VWA5B2: variants seen among roughly 807,000 people sequenced by gnomAD.
The protein encoded by VWA5B2 is von Willebrand factor A domain containing 5B2.
VWA5B2 carries 93 observed loss-of-function variants against 118.5 expected under a neutral mutation model. The observed-to-expected ratio is 0.79, with a 90% CI of 0.66 to 0.93. The LOEUF is 0.93. Ranked by LOEUF, VWA5B2 falls within the 40% of genes least tolerant of loss-of-function variation. VWA5B2 has a pLI of 0.00. For synonymous variants in VWA5B2, 708 were observed against 716.3 expected, an observed-to-expected ratio of 0.99 and a Z score of 0.19; for missense variants, 1,546 against 1,672.8, an observed-to-expected ratio of 0.92 and a Z score of 1.32.
Position 184,229,726 on chromosome 3 carries a change from C to A in VWA5B2, c.-150+13C>A, listed in dbSNP as rs2108412681. Among the ~76,000 whole-genome samples the A allele has an allele frequency of 6.6e-6, 1 of 152,280 alleles. No homozygotes were observed. Among genetic ancestry groups the A allele is most frequent in the East Asian group, 1.9e-4 (1 of 5,154 alleles). On this transcript the variant is annotated intron_variant, in intron 1 of 19. Coordinates refer to ENST00000691901, the MANE Select transcript of VWA5B2 (RefSeq NM_001390846.1). Reference sequence around the variant, plus strand: ...GGAGGGCGCGACGGTGAGGCTGAGACTGCCACAGGGAGCGGGGCGATCCCC... The same window carrying A: ...GGAGGGCGCGACGGTGAGGCTGAGAATGCCACAGGGAGCGGGGCGATCCCC...
rs1718634128 is a variant in VWA5B2 at position 184,241,447 on chromosome 3, C to G, written c.3180+43C>G. Reference sequence around the variant, plus strand: ...GGAGGGTGGTGCCGCCGGGGCCGGGCGCTGTTTCAGCTCGCTTCTCCCCCC... The same window carrying G: ...GGAGGGTGGTGCCGCCGGGGCCGGGGGCTGTTTCAGCTCGCTTCTCCCCCC... On this transcript the variant is annotated intron_variant, in intron 19 of 19. Coordinates refer to ENST00000691901, the MANE Select transcript of VWA5B2 (RefSeq NM_001390846.1). The surrounding 1 kb of genome is among the most constrained non-coding windows in gnomAD (Gnocchi z 5.1). 3.8e-6 allele frequency: 6 copies of G among 1,563,790 alleles called. No individual in the cohort carries two copies. Among genetic ancestry groups the G allele is most frequent in the Non-Finnish European group, 5.2e-6 (6 of 1,152,840 alleles).
chr3:184,235,089 C>A, intron 7 of VWA5B2, 64 bp from the exon 8 acceptor site: 1 of 1,516,290 alleles, frequency 6.6e-7, no homozygotes. Flanking sequence ...GCCAGTCCCA[C>A]TGCCCACCCT....
At position 184,237,537 on chromosome 3, in the gene VWA5B2, T is replaced by A; in HGVS notation, c.1719+126T>A. The A allele has an allele frequency of 9.6e-7, 1 of 1,044,906 alleles. No individual in the cohort carries two copies. The highest frequency in any genetic ancestry group is 1.4e-6 in the Non-Finnish European group (1 of 731,768). The allele number at this position is 1,044,906 out of a possible 1,614,324, so 64.7% of individuals were successfully genotyped here. A position where few individuals can be genotyped will look rare whatever the true frequency, so the allele number is the denominator to read the frequency against. The stretch of plus-strand genomic sequence containing the variant: ...TGTGCCTCTCTCTACCAAGCTTCTC[T>A]ACTATCCCCTAGGACTCCACAGAGA... On this transcript the variant is annotated intron_variant, in intron 12 of 19. Transcript: ENST00000691901. The surrounding 1 kb of genome is among the most constrained non-coding windows in gnomAD (Gnocchi z 5.6).
chr3:184,237,369 C>T lies in VWA5B2; in HGVS notation c.1677C>T (p.Cys559=), dbSNP rs1158523677. 6.4e-7 allele frequency: 1 copy of T among 1,551,204 alleles called. No homozygotes were observed. The highest frequency in any genetic ancestry group is 8.7e-7 in the Non-Finnish European group (1 of 1,146,910). ...LYPGDQLLGY[C]SLFRVDGFRS... is the part of the protein sequence containing the mutation. ...CTGGGGACCAGCTGCTCGGTTACTGCTCACTCTTCAGGGTGGATGGCTTCC... is the reference window on the plus strand; with the variant it reads ...CTGGGGACCAGCTGCTCGGTTACTGTTCACTCTTCAGGGTGGATGGCTTCC... The change falls in exon 12 of 20, where the codon TGC becomes TGT. Residue 559 remains cysteine (C), a synonymous_variant. Coordinates refer to ENST00000691901, the MANE Select transcript of VWA5B2 (RefSeq NM_001390846.1). The surrounding 1 kb of genome is among the most constrained non-coding windows in gnomAD (Gnocchi z 5.6).
Position 184,242,148 on chromosome 3 carries a change from C to T in VWA5B2, c.*110C>T. 2 of 1,351,456 alleles carry T rather than the reference C, an allele frequency of 1.5e-6. No homozygotes were observed. The highest frequency in any genetic ancestry group is 2.0e-6 in the Non-Finnish European group (2 of 997,670). 83.7% of individuals were successfully genotyped at this position (1,351,456 alleles called of 1,614,324 possible). ...AAGTGTAGGCTGGTGCCAGCCTGTC[C>T]CCCACTGCTTCTTACTCCCTCCCTA... On this transcript the variant is annotated 3_prime_UTR_variant, in exon 20 of 20. Transcript: ENST00000691901.
At position 184,229,585 on chromosome 3, in the gene VWA5B2, A is replaced by T. The variant is rs1460321960; in HGVS notation, c.-278A>T. On this transcript the variant is annotated 5_prime_UTR_variant, in exon 1 of 20. Transcript: ENST00000691901. Reference sequence around the variant, plus strand: ...AGGGCCCGCGCCCCTGCCGGGACTCAGAGCCGCTGCAGCCACAGTCACGAA... The same window carrying T: ...AGGGCCCGCGCCCCTGCCGGGACTCTGAGCCGCTGCAGCCACAGTCACGAA... Among the ~76,000 whole-genome samples, 1 of 152,176 alleles carries T rather than the reference A, an allele frequency of 6.6e-6. No individual in the cohort carries two copies. Among genetic ancestry groups the T allele is most frequent in the Non-Finnish European group, 1.5e-5 (1 of 68,012 alleles).
chr3:184,232,879 G>C, intron 3 of VWA5B2: 1 of 471,226 alleles, frequency 2.1e-6, no homozygotes, highest in Non-Finnish European at 3.7e-6. Context: ...GAGGGGCAGA[G>C]GGTGTGGGTA....
chr3:184,230,963 G>C, intron 3 of VWA5B2, 46 bp downstream of exon 3: 1 of 1,207,388 alleles, frequency 8.3e-7, no homozygotes, highest in Middle Eastern at 3.3e-4. Context: ...GCCGGGCGCA[G>C]CTCAGGCTCC....
In VWA5B2 at chr3:184,241,390, G is replaced by T; in HGVS notation, c.3166G>T (p.Asp1056Tyr). 1 of 1,579,862 alleles carries T rather than the reference G, an allele frequency of 6.3e-7. No homozygotes were observed. The highest frequency in any genetic ancestry group is 2.3e-5 in the East Asian group (1 of 42,942). ...CAACAACAGTGAAGGCAGCGACCAT[G>T]ACTACCTGCCCTTGGTGAGGACTCG... ...QANNSEGSDH[D>Y]YLPLVRLQEA... Residue 1056 changes from aspartate (D) to tyrosine (Y), a missense_variant, in exon 19 of 20, where the codon GAC (aspartate) becomes TAC (tyrosine). Physicochemically the swap from Asp to Tyr is radical, Grantham distance 160. Transcript: ENST00000691901. The surrounding 1 kb of genome is among the most constrained non-coding windows in gnomAD (Gnocchi z 5.1).
In VWA5B2 at chr3:184,239,612, C is replaced by A; in HGVS notation, c.2392+29C>A. 1 of 1,489,104 alleles carries A rather than the reference C, an allele frequency of 6.7e-7. No homozygotes were observed. The allele number at this position is 1,489,104 out of a possible 1,614,324, so 92.2% of individuals were successfully genotyped here. On this transcript the variant is annotated intron_variant, in intron 15 of 19. Transcript: ENST00000691901. The surrounding 1 kb of genome is among the most constrained non-coding windows in gnomAD (Gnocchi z 5.1). ...AGTGTTGGATGGGGAGCTGGTTTCCCTGACACCAAAGAGGCCTTGGGGAGG... is the reference window on the plus strand; with the variant it reads ...AGTGTTGGATGGGGAGCTGGTTTCCATGACACCAAAGAGGCCTTGGGGAGG...
Position 184,239,468 on chromosome 3 carries a change from T to C in VWA5B2, c.2277T>C (p.Pro759=), listed in dbSNP as rs1179507775. ...AALAGRSLSS[P]PGRANQVPGR... is the part of the protein sequence containing the mutation. ...TGGCTGGCCGAAGCCTCTCATCCCC[T>C]CCAGGCCGGGCAAACCAAGTCCCCG... is the stretch of plus-strand genomic sequence containing the variant. The change falls in exon 15 of 20, where the codon CCT becomes CCC. Residue 759 remains proline (P), a synonymous_variant. Transcript: ENST00000691901. The surrounding 1 kb of genome is among the most constrained non-coding windows in gnomAD (Gnocchi z 5.1). The C allele has an allele frequency of 1.3e-6, 2 of 1,550,012 alleles. No homozygotes were observed. The highest frequency in any genetic ancestry group is 2.4e-5 in the South Asian group (2 of 83,952).
rs1008637819 is a variant in VWA5B2, at chr3:184,237,546, C to G, written c.1719+135C>G. ...CTCTACCAAGCTTCTCTACTATCCC[C>G]TAGGACTCCACAGAGATCACACTGG... On this transcript the variant is annotated intron_variant, in intron 12 of 19. Coordinates refer to ENST00000691901, the MANE Select transcript of VWA5B2 (RefSeq NM_001390846.1). The surrounding 1 kb of genome is among the most constrained non-coding windows in gnomAD (Gnocchi z 5.6). 63 of 962,084 alleles carry G rather than the reference C, an allele frequency of 6.5e-5. No homozygotes were observed. Among genetic ancestry groups the G allele is most frequent in the Non-Finnish European group, 9.4e-5 (62 of 661,836 alleles). 59.6% of individuals were successfully genotyped at this position (962,084 alleles called of 1,614,324 possible).
chr3:184,233,652 G>C lies in VWA5B2; in HGVS notation c.607G>C (p.Val203Leu). ...GGAGGAGCTGGCTGCCCCTCGGGAC[G>C]TGTTCTCAGGCCCTGCCCGCTGCCC... ...AWEELAAPRD[V>L]FSGPARCPAP... The change falls in exon 5 of 20, where the codon GTG (valine) becomes CTG (leucine). Residue 203 changes from valine (V) to leucine (L), a missense_variant. Val to Leu is a conservative substitution (Grantham distance 32, BLOSUM62 1). Around this residue, in one of 3 missense-constraint regions of VWA5B2, gnomAD observed 775 missense variants for 882.3 expected, o/e 0.88. Coordinates refer to ENST00000691901, the MANE Select transcript of VWA5B2 (RefSeq NM_001390846.1). This position sits in a 1 kb window ranked among gnomAD's most constrained non-coding sequence, Gnocchi z 5.2. The C allele has an allele frequency of 6.4e-7, 1 of 1,551,306 alleles. No individual in the cohort carries two copies. Among genetic ancestry groups the C allele is most frequent in the Non-Finnish European group, 8.7e-7 (1 of 1,146,956 alleles).
At position 184,229,658 on chromosome 3, in the gene VWA5B2, G is replaced by A. The variant is rs915536179; in HGVS notation, c.-205G>A. On this transcript the variant is annotated 5_prime_UTR_variant, in exon 1 of 20. Coordinates refer to ENST00000691901, the MANE Select transcript of VWA5B2 (RefSeq NM_001390846.1). ...ACCGAGGGCCACCCGGAGCGCAGAG[G>A]CGGCACCACCCACACGGATCCCGTG... is the stretch of plus-strand genomic sequence containing the variant. Among the ~76,000 whole-genome samples, 1 of 152,184 alleles carries A rather than the reference G, an allele frequency of 6.6e-6. No individual in the cohort carries two copies. The highest frequency in any genetic ancestry group is 2.4e-5 in the African/African-American group (1 of 41,456).
At position 184,236,437 on chromosome 3, in the gene VWA5B2, A is replaced by G; in HGVS notation, c.1307A>G (p.Gln436Arg). Reference protein sequence around the residue: ...VLAALDWAVGQPQHRAYPRQL... With the variant: ...VLAALDWAVGRPQHRAYPRQL... Reference sequence around the variant, plus strand: ...GCTGCTCTGGACTGGGCCGTGGGGCAGCCCCAGCACAGGGCCTACCCTCGG... The same window carrying G: ...GCTGCTCTGGACTGGGCCGTGGGGCGGCCCCAGCACAGGGCCTACCCTCGG... Residue 436 changes from glutamine to arginine, a missense_variant, in exon 10 of 20, where the codon CAG becomes CGG. This residue lies in a region of VWA5B2 where 775 missense variants were observed against 882.3 expected (regional missense o/e 0.88). Coordinates refer to ENST00000691901, the MANE Select transcript of VWA5B2 (RefSeq NM_001390846.1). 6.5e-7 allele frequency: 1 copy of G among 1,546,848 alleles called. No individual in the cohort carries two copies.
Position 184,230,673 on chromosome 3 carries a change from G to A in VWA5B2, c.139+6G>A. On this transcript the variant is annotated splice_donor_region_variant and intron_variant, in intron 2 of 19. Coordinates refer to ENST00000691901, the MANE Select transcript of VWA5B2 (RefSeq NM_001390846.1). ...GCAGCCGCAGCCGGTGGACGGTGAG[G>A]CCCGGGTGGGGCGCGGGCGCGGCGG... The A allele has an allele frequency of 1.6e-6, 2 of 1,257,098 alleles. No homozygotes were observed. The highest frequency in any genetic ancestry group is 2.0e-6 in the Non-Finnish European group (2 of 1,004,184). 77.9% of individuals were successfully genotyped at this position (1,257,098 alleles called of 1,614,324 possible). A position where few individuals can be genotyped will look rare whatever the true frequency, so the allele number is the denominator to read the frequency against.
In VWA5B2 at chr3:184,241,498, G is replaced by A. The variant is rs1352158563; in HGVS notation, c.3189G>A (p.Leu1063=). 3.2e-6 allele frequency: 5 copies of A among 1,552,666 alleles called. No homozygotes were observed. Among genetic ancestry groups the A allele is most frequent in the Admixed American group, 3.9e-5 (2 of 51,894 alleles). ...ACCTCCTCTCTCCTCAGGTGCGGCTGCAGGAGGCACCAGGCTCCTTCCGCC... is the reference window on the plus strand; with the variant it reads ...ACCTCCTCTCTCCTCAGGTGCGGCTACAGGAGGCACCAGGCTCCTTCCGCC... ...SDHDYLPLVR[L]QEAPGSFRLD... is the part of the protein sequence containing the mutation. Residue 1063 remains leucine, a synonymous_variant, in exon 20 of 20, where the codon CTG becomes CTA. Transcript: ENST00000691901. The surrounding 1 kb of genome is among the most constrained non-coding windows in gnomAD (Gnocchi z 5.1).
chr3:184,230,103 A>G lies in VWA5B2; in HGVS notation c.-149-277A>G, dbSNP rs1717218343. Among the ~76,000 whole-genome samples the G allele has an allele frequency of 4.6e-5, 7 of 151,796 alleles. No homozygotes were observed. In the South Asian group the frequency reaches 1.5e-3, roughly 31 times the overall value. ...CTTTAAACCTCCGCCTTCCCGGAGC[A>G]TCTTCCATCTCCACCCGCGCCGCTT... On this transcript the variant is annotated intron_variant, in intron 1 of 19. Coordinates refer to ENST00000691901, the MANE Select transcript of VWA5B2 (RefSeq NM_001390846.1).
rs750936841 is a variant in VWA5B2 at position 184,239,110 on chromosome 3, G to C, written c.2202+237G>C. 3.5e-4 allele frequency among the ~76,000 whole-genome samples: 53 copies of C among 152,298 alleles called. No individual in the cohort carries two copies. The highest frequency in any genetic ancestry group is 4.1e-4 in the Non-Finnish European group (28 of 68,026). ...GTCAGGAAAGTCAGAGCCATATCTG[G>C]AAGAATAAGCACGAGTTAGCCATGC... is the stretch of plus-strand genomic sequence containing the variant. On this transcript the variant is annotated intron_variant, in intron 14 of 19. Coordinates refer to ENST00000691901, the MANE Select transcript of VWA5B2 (RefSeq NM_001390846.1). The surrounding 1 kb of genome is among the most constrained non-coding windows in gnomAD (Gnocchi z 5.1).
Sources: allele counts gnomAD v4.1 joint callset (sites outside exome capture counted in the v4.1 genomes callset), GRCh38; gene constraint gnomAD v4.1.1; regional missense constraint gnomAD v4.1.1; non-coding constraint Gnocchi (gnomAD v3.1); transcripts MANE v1.5; gene names NCBI Gene and HGNC (gene_info 2026-07-23, HGNC 2026-07-21).